CCBE1: variants seen among roughly 807,000 people sequenced by gnomAD.
CCBE1 encodes collagen and calcium binding EGF domains 1.
Under a neutral mutation model 50.0 loss-of-function variants are expected in CCBE1, and 37 were observed. The observed-to-expected ratio is 0.74, with a 90% confidence interval of 0.57 to 0.97. The LOEUF is 0.97. CCBE1 is among the 50% of genes least tolerant of loss of function. The pLI, the probability that CCBE1 is intolerant of heterozygous loss-of-function variation, is 0.00. For synonymous variants in CCBE1, 234 were observed against 203.7 expected (o/e 1.15, Z -1.27); for missense variants, 538 against 523.8 (o/e 1.03, Z -0.26).
At chr18:59,671,880 T>C (rs553009804) in intron 2 of CCBE1, among the ~76,000 whole-genome samples, 148 of 152,186 alleles carry the variant, frequency 9.7e-4, no homozygotes, top group Non-Finnish European at 1.5e-3. Context: ...AGAAAAATGC[T>C]GGCTCTAGTG....
intron 2 of CCBE1, among the ~76,000 whole-genome samples, chr18:59,513,321 C>A (rs111984374): frequency 1.3e-5 from 2 of 151,708 alleles, no homozygotes; most frequent in East Asian, 3.9e-4. Context: ...CAAAACAAAA[C>A]AAAAAAATTC....
chr18:59,564,744 TATG>T (rs1303511655), intron 2 of CCBE1, among the ~76,000 whole-genome samples: 1 of 152,168 alleles, frequency 6.6e-6, no homozygotes, highest in Non-Finnish European at 1.5e-5. Flanking sequence ...ACTGAGGCCA[TATG>T]AGGTTGGCTG....
chr18:59,638,618 T>C (rs919726339), intron 2 of CCBE1, among the ~76,000 whole-genome samples: 2 of 152,134 alleles, frequency 1.3e-5, no homozygotes, highest in African/African-American at 2.4e-5. Context: ...GAAAAATATA[T>C]AAAGCTTAGA....
At chr18:59,522,053 A>G (rs1213706476) in intron 2 of CCBE1, among the ~76,000 whole-genome samples, 1 of 151,764 alleles carries the variant, frequency 6.6e-6, no homozygotes, top group Non-Finnish European at 1.5e-5. Flanking sequence ...TTTCTATTAA[A>G]TATTTTGTGA....
chr18:59,662,240 A>G lies in CCBE1; in HGVS notation c.212+34389T>C, dbSNP rs116099065. Among the ~76,000 whole-genome samples the G allele has an allele frequency of 3.0e-3, 464 of 152,346 alleles. 3 individuals carry two copies. The highest frequency in any genetic ancestry group is 0.011 in the African/African-American group (450 of 41,580). ...ACAGCTGACACCAGAAGATAGTCCC[A>G]TTCTGTGACCTCAGCTGGGAACGTG... On this transcript the variant is annotated intron_variant, in intron 2 of 10. Transcript: ENST00000439986.
At chr18:59,662,455 T>G (rs1228466275) in intron 2 of CCBE1, among the ~76,000 whole-genome samples, 1 of 152,244 alleles carries the variant, frequency 6.6e-6, no homozygotes. Context: ...TGTCATTTCC[T>G]AAATATTTTT....
intron 2 of CCBE1, among the ~76,000 whole-genome samples, chr18:59,496,986 C>T (rs138946855): frequency 0.013 from 1,908 of 152,240 alleles, 50 homozygotes; most frequent in Admixed American, 0.056. Context: ...TATATATGAG[C>T]TTACATTTTA....
chr18:59,619,520 T>C (rs2053684327), intron 2 of CCBE1, among the ~76,000 whole-genome samples: 1 of 152,240 alleles, frequency 6.6e-6, no homozygotes, highest in African/African-American at 2.4e-5. Flanking sequence ...TGTTAAATAA[T>C]ACTTCCTTCC....
rs374811948 is a variant in CCBE1, at chr18:59,469,599, C to T, written c.274G>A (p.Val92Ile). The change falls in exon 4 of 11, where the codon GTT (valine) becomes ATT (isoleucine). Residue 92 changes from valine to isoleucine, a missense_variant. By Grantham distance (29) the Val-to-Ile change is conservative. Transcript: ENST00000439986. Reference sequence around the variant, plus strand: ...TGTTCACAGGGAGCCTCGGCACAAACGTCGTAATCTGAAAAAGCAAAGTGA... The same window carrying T: ...TGTTCACAGGGAGCCTCGGCACAAATGTCGTAATCTGAAAAAGCAAAGTGA... ...LGQCIPEDYDVCAEAPCEQQC... is the reference protein window; with the variant it reads ...LGQCIPEDYDICAEAPCEQQC... The T allele has an allele frequency of 8.7e-6, 14 of 1,613,994 alleles. No individual in the cohort carries two copies. Among genetic ancestry groups the T allele is most frequent in the Middle Eastern group, 3.3e-4 (2 of 6,012 alleles).
At chr18:59,510,833 T>C (rs967876842) in intron 2 of CCBE1, among the ~76,000 whole-genome samples, 3 of 152,254 alleles carry the variant, frequency 2.0e-5, no homozygotes, top group East Asian at 3.8e-4. Flanking sequence ...TAAAGAAACA[T>C]AGACTAGTTA....
intron 5 of CCBE1, among the ~76,000 whole-genome samples, chr18:59,461,926 G>T (rs946627975): frequency 2.0e-5 from 3 of 151,990 alleles, no homozygotes; most frequent in African/African-American, 7.3e-5. Flanking sequence ...TAGAGACGGG[G>T]TTTCACCATG....
Position 59,431,080 on chromosome 18 carries a change from T to C in CCBE1, c.*4828A>G, listed in dbSNP as rs1239360842. ...TGAACAACAGAGCTACTCCAGTATA[T>C]GACTAGTCACTGTGAAATAAAAACA... is the stretch of plus-strand genomic sequence containing the variant. On this transcript the variant is annotated 3_prime_UTR_variant, in exon 11 of 11. Coordinates refer to ENST00000439986, the MANE Select transcript of CCBE1 (RefSeq NM_133459.4). 3.9e-5 allele frequency: 6 copies of C among 152,232 alleles called. No homozygotes were observed. Among genetic ancestry groups the C allele is most frequent in the African/African-American group, 1.4e-4 (6 of 41,458 alleles). 9.4% of individuals were successfully genotyped at this position (152,232 alleles called of 1,614,324 possible). A position where few individuals can be genotyped will look rare whatever the true frequency, so the allele number is the denominator to read the frequency against.
At chr18:59,666,584 T>C (rs1351830474) in intron 2 of CCBE1, among the ~76,000 whole-genome samples, 2 of 151,922 alleles carry the variant, frequency 1.3e-5, no homozygotes, top group Admixed American at 6.6e-5. Flanking sequence ...ACCATGAAAG[T>C]TTCAGCAAAG....
At chr18:59,504,177 G>A (rs1913759974) in intron 2 of CCBE1, among the ~76,000 whole-genome samples, 1 of 152,098 alleles carries the variant, frequency 6.6e-6, no homozygotes, top group Non-Finnish European at 1.5e-5. Context: ...CTCTGTGTAA[G>A]TCATCTCATC....
intron 2 of CCBE1, among the ~76,000 whole-genome samples, chr18:59,606,220 C>G (rs546828854): frequency 1.3e-5 from 2 of 152,284 alleles, no homozygotes; most frequent in African/African-American, 4.8e-5. Context: ...CATGAGAGAC[C>G]TTAGAGGCAT....
chr18:59,531,194 C>T (rs925483980), intron 2 of CCBE1, among the ~76,000 whole-genome samples: 4 of 151,950 alleles, frequency 2.6e-5, no homozygotes, highest in East Asian at 3.9e-4. Flanking sequence ...GTTGGCCATG[C>T]GATTACCAAA....
chr18:59,490,486 A>G (rs1913048956), intron 2 of CCBE1, among the ~76,000 whole-genome samples: 1 of 151,510 alleles, frequency 6.6e-6, no homozygotes, highest in Admixed American at 6.6e-5. Flanking sequence ...ATTATTTTTC[A>G]AAGTCTTTTG....
intron 3 of CCBE1, among the ~76,000 whole-genome samples, 153 bp downstream of exon 3, chr18:59,480,033 G>A (rs1450813910): frequency 1.3e-5 from 2 of 152,150 alleles, no homozygotes; most frequent in Admixed American, 6.6e-5. Flanking sequence ...CAAAATTGGC[G>A]TCAGAAAAAT....
At chr18:59,558,610 G>C (rs912961410) in intron 2 of CCBE1, among the ~76,000 whole-genome samples, 1 of 152,170 alleles carries the variant, frequency 6.6e-6, no homozygotes, top group Non-Finnish European at 1.5e-5. Flanking sequence ...TGCTGTACAG[G>C]GGCTCTTGGG....
Sources: gnomAD v4.1 joint callset for allele counts (sites outside exome capture counted in the v4.1 genomes callset) on GRCh38, gnomAD v4.1.1 for gene constraint, MANE v1.5 for transcripts, NCBI Gene and HGNC (gene_info 2026-07-23, HGNC 2026-07-21) for gene names.